The following ADAM20 variants were observed in gnomAD, a reference collection of about 807,000 sequenced individuals.
ADAM20 encodes disintegrin and metalloproteinase domain-containing protein 20.
For missense variants in ADAM20, 871 were observed against 883.2 expected, an observed-to-expected ratio of 0.99 and a Z score of 0.18; for synonymous variants, 305 against 310.2, an observed-to-expected ratio of 0.98 and a Z score of 0.18.
chr14:70,555,413 T>G, the ADAM20 span, among the ~76,000 whole-genome samples: 2 of 152,184 alleles, frequency 1.3e-5, no homozygotes, highest in African/African-American at 4.8e-5. Context: ...TAACTGTCAA[T>G]TTTTTAAAAA....
chr14:70,571,281 G>C, the ADAM20 span, among the ~76,000 whole-genome samples: 1 of 152,066 alleles, frequency 6.6e-6, no homozygotes, highest in Non-Finnish European at 1.5e-5. Context: ...ATGTGGTGTG[G>C]GAAGGACCCG....
intron 1 of ADAM20, among the ~76,000 whole-genome samples, chr14:70,532,450 AT>A (rs1883733577): frequency 6.6e-6 from 1 of 152,204 alleles, no homozygotes; most frequent in Non-Finnish European, 1.5e-5. Flanking sequence ...AGCACGGGCA[AT>A]AAAAGCAAAA....
At chr14:70,539,712 T>C (rs1428103150), upstream of ADAM20, among the ~76,000 whole-genome samples, 2 of 152,222 alleles carry the variant, frequency 1.3e-5, no homozygotes, top group Non-Finnish European at 2.9e-5. Context: ...GCACACACTA[T>C]ATTGTAAATT....
In ADAM20 at chr14:70,522,673, T is replaced by C; in HGVS notation, c.2085A>G (p.Ser695=). ...LNVMGKLRYL[S]LLCLLPLVAF... is the part of the protein sequence containing the mutation. ...CAACCAAAGGAAGAAGGCACAATAGTGACAGGTAACGCAACTTTCCCATCA... is the reference window on the plus strand; with the variant it reads ...CAACCAAAGGAAGAAGGCACAATAGCGACAGGTAACGCAACTTTCCCATCA... The change falls in exon 2 of 2, where the codon TCA becomes TCG. Residue 695 remains serine, a synonymous_variant. Coordinates refer to ENST00000256389, the MANE Select transcript of ADAM20 (RefSeq NM_003814.5). The C allele has an allele frequency of 6.2e-7, 1 of 1,614,030 alleles. No homozygotes were observed. Among genetic ancestry groups the C allele is most frequent in the Non-Finnish European group, 8.5e-7 (1 of 1,179,926 alleles).
chr14:70,578,097 A>C, the ADAM20 span, among the ~76,000 whole-genome samples: 1 of 152,152 alleles, frequency 6.6e-6, no homozygotes, highest in Non-Finnish European at 1.5e-5. Flanking sequence ...ACTCACACAG[A>C]ATAGGAGAAA....
At chr14:70,546,329 G>A in the ADAM20 span, among the ~76,000 whole-genome samples, 2 of 152,170 alleles carry the variant, frequency 1.3e-5, no homozygotes, top group African/African-American at 4.8e-5. Context: ...ACAGTGTCAT[G>A]AAGTCCTGAT....
upstream of ADAM20, among the ~76,000 whole-genome samples, chr14:70,535,318 C>T (rs1176711468): frequency 6.6e-6 from 1 of 151,838 alleles, no homozygotes; most frequent in Non-Finnish European, 1.5e-5. Context: ...TACAACCAAG[C>T]TCACTGAAAA....
chr14:70,528,960 A>G (rs1883651047), intron 1 of ADAM20, among the ~76,000 whole-genome samples: 1 of 152,218 alleles, frequency 6.6e-6, no homozygotes, highest in Non-Finnish European at 1.5e-5. Flanking sequence ...ATATAATGAT[A>G]AAAGGGCTCA....
At position 70,524,388 on chromosome 14, in the gene ADAM20, C is replaced by T. The variant is rs575058707; in HGVS notation, c.370G>A (p.Ala124Thr). 6.2e-6 allele frequency: 10 copies of T among 1,613,944 alleles called. No homozygotes were observed. In the South Asian group the frequency reaches 1.1e-4, roughly 18 times the overall value. Residue 124 changes from alanine to threonine, a missense_variant, in exon 2 of 2, where the codon GCC (alanine) becomes ACC (threonine). By Grantham distance (58) the Ala-to-Thr change is moderately conservative (BLOSUM62 0). Coordinates refer to ENST00000256389, the MANE Select transcript of ADAM20 (RefSeq NM_003814.5). ...YVEGVPESLV[A>T]LSTCSGGFLG... ...AAGCCCCCAGAACAGGTACTAAGGG[C>T]AACCAAGGACTCAGGGACCCCCTCC...
At chr14:70,536,076 C>A (rs1351706995), upstream of ADAM20, among the ~76,000 whole-genome samples, 1 of 152,080 alleles carries the variant, frequency 6.6e-6, no homozygotes, top group African/African-American at 2.4e-5. Flanking sequence ...AAACATCCAA[C>A]AATTGCAGCA....
chr14:70,578,933 T>C, the ADAM20 span, among the ~76,000 whole-genome samples: 1 of 152,146 alleles, frequency 6.6e-6, no homozygotes, highest in Non-Finnish European at 1.5e-5. Context: ...AGTCAGAACA[T>C]GTGGTATTTG....
chr14:70,560,467 A>G, the ADAM20 span, among the ~76,000 whole-genome samples: 9 of 152,194 alleles, frequency 5.9e-5, no homozygotes, highest in Non-Finnish European at 1.3e-4. Flanking sequence ...AATATCAACT[A>G]AAATTATAAA....
At chr14:70,566,613 T>C in the ADAM20 span, among the ~76,000 whole-genome samples, 1 of 152,128 alleles carries the variant, frequency 6.6e-6, no homozygotes, top group African/African-American at 2.4e-5. Context: ...ATCAATTAAA[T>C]TCCCCAAACA....
In ADAM20 at chr14:70,524,288, AG is replaced by A. The variant is rs1319624974; in HGVS notation, c.469del (p.Leu157Ter). ...PISVSATFEHLVYKIDSDDTQ... is the reference protein window; with the variant it reads ...PISVSATFEHXVYKIDSDDTQ... ...ATCATCACTGTCTATCTTATATACT[AG>A]GTGTTCAAATGTGGCAGAAACACTA... On this transcript the variant is annotated frameshift_variant, in exon 2 of 2. Coordinates refer to ENST00000256389, the MANE Select transcript of ADAM20 (RefSeq NM_003814.5). LOFTEE classifies it low-confidence loss of function (END_TRUNC). 4 of 1,613,924 alleles carry A rather than the reference AG, an allele frequency of 2.5e-6. No homozygotes were observed. Among genetic ancestry groups the A allele is most frequent in the Non-Finnish European group, 3.4e-6 (4 of 1,179,958 alleles).
At position 70,522,625 on chromosome 14, in the gene ADAM20, A is replaced by T; in HGVS notation, c.2133T>A (p.His711Gln). The T allele has an allele frequency of 1.9e-6, 3 of 1,613,616 alleles. No individual in the cohort carries two copies. The highest frequency in any genetic ancestry group is 2.5e-6 in the Non-Finnish European group (3 of 1,179,796). Residue 711 changes from histidine (H) to glutamine (Q), a missense_variant, in exon 2 of 2, where the codon CAT (histidine) becomes CAA (glutamine). Coordinates refer to ENST00000256389, the MANE Select transcript of ADAM20 (RefSeq NM_003814.5). Reference sequence around the variant, plus strand: ...TTTTTGTGCGTTTCTTAAAAAGCACATGTAAGCAAAATAATAAAAAAGCAA... The same window carrying T: ...TTTTTGTGCGTTTCTTAAAAAGCACTTGTAAGCAAAATAATAAAAAAGCAA... ...PLVAFLLFCLHVLFKKRTKSK... is the reference protein window; with the variant it reads ...PLVAFLLFCLQVLFKKRTKSK...
the ADAM20 span, among the ~76,000 whole-genome samples, chr14:70,577,130 T>C: frequency 1.3e-5 from 2 of 152,190 alleles, no homozygotes; most frequent in Admixed American, 6.5e-5. Context: ...ACTCATATGA[T>C]GCTGACGTAA....
intron 1 of ADAM20, among the ~76,000 whole-genome samples, chr14:70,528,656 C>A (rs139245328): frequency 1.4e-4 from 22 of 152,184 alleles, no homozygotes; most frequent in Admixed American, 2.6e-4. Flanking sequence ...AAGAAATTGT[C>A]CAAGAAATGA....
the ADAM20 span, among the ~76,000 whole-genome samples, chr14:70,543,940 T>C: frequency 6.6e-6 from 1 of 152,160 alleles, no homozygotes; most frequent in Non-Finnish European, 1.5e-5. Flanking sequence ...AAATCCAAAG[T>C]GCATCAGCCT....
the ADAM20 span, among the ~76,000 whole-genome samples, chr14:70,546,322 G>A: frequency 6.6e-6 from 1 of 152,162 alleles, no homozygotes; most frequent in African/African-American, 2.4e-5. Context: ...CCATGACACA[G>A]TGTCATGAAG....
Sources: allele counts gnomAD v4.1 joint callset (sites outside exome capture counted in the v4.1 genomes callset), GRCh38; gene constraint gnomAD v4.1.1; transcripts MANE v1.5; gene names NCBI Gene and HGNC (gene_info 2026-07-23, HGNC 2026-07-21).